The following EYS variants were observed in gnomAD, a reference collection of about 807,000 sequenced individuals.
The protein encoded by EYS is protein eyes shut homolog.
Under a neutral mutation model 282.1 loss-of-function variants are expected in EYS, and 250 were observed. The observed-to-expected ratio is 0.89, with a 90% CI of 0.80 to 0.98. The LOEUF (loss-of-function observed/expected upper bound fraction) is 0.98. EYS is among the 50% of genes least tolerant of loss of function. The pLI is 0.00. For synonymous variants in EYS, 1,355 were observed against 1,282.9 expected, an observed-to-expected ratio of 1.06 and a Z score of -1.20; for missense variants, 4,016 against 3,709.0, an observed-to-expected ratio of 1.08 and a Z score of -2.15.
intron 26 of EYS, among the ~76,000 whole-genome samples, chr6:64,528,960 C>T (rs2150530358): frequency 6.6e-6 from 1 of 152,112 alleles, no homozygotes; most frequent in Admixed American, 6.5e-5. Context: ...TACAATGTTT[C>T]TAAGAAATGG....
At chr6:64,530,712 T>C (rs1021090023) in intron 26 of EYS, among the ~76,000 whole-genome samples, 29 of 152,172 alleles carry the variant, frequency 1.9e-4, no homozygotes, top group African/African-American at 7.0e-4. Context: ...TCTTTATTGT[T>C]AAGCTTCTAA....
intron 33 of EYS, among the ~76,000 whole-genome samples, chr6:64,036,408 G>T (rs1296744385): frequency 6.6e-6 from 1 of 152,136 alleles, no homozygotes; most frequent in Non-Finnish European, 1.5e-5. Context: ...AAAATAATGA[G>T]ATTTGTAATG....
intron 35 of EYS, among the ~76,000 whole-genome samples, chr6:63,897,043 T>C (rs1773552401): frequency 6.6e-6 from 1 of 152,234 alleles, no homozygotes; most frequent in Non-Finnish European, 1.5e-5. Flanking sequence ...GATTACAATA[T>C]GCAGAAGTAT....
chr6:63,999,188 A>T lies in EYS; in HGVS notation c.6726-5T>A. 4 of 1,545,832 alleles carry T rather than the reference A, an allele frequency of 2.6e-6. No homozygotes were observed. Among genetic ancestry groups the T allele is most frequent in the Non-Finnish European group, 3.5e-6 (4 of 1,141,690 alleles). ...CTGCCAACAGGCGTTGTGTAGCTAA[A>T]CGTAAAACAGAAGAGGCCATTATGA... is the stretch of plus-strand genomic sequence containing the variant. On this transcript the variant is annotated splice_region_variant and splice_polypyrimidine_tract_variant and intron_variant, in intron 33 of 42. Coordinates refer to ENST00000503581, the MANE Select transcript of EYS (RefSeq NM_001142800.2).
intron 10 of EYS, 42 bp downstream of exon 10, chr6:65,343,996 C>T (rs934300997): frequency 1.3e-6 from 2 of 1,558,506 alleles, no homozygotes; most frequent in Non-Finnish European, 8.8e-7. Flanking sequence ...CAATTACAAG[C>T]TAAAGAGAAA....
intron 31 of EYS, among the ~76,000 whole-genome samples, chr6:64,164,704 A>G (rs1257223466): frequency 6.6e-6 from 1 of 152,164 alleles, no homozygotes; most frequent in African/African-American, 2.4e-5. Context: ...AGTCCAAGAA[A>G]CAAGGGCTTT....
intron 41 of EYS, among the ~76,000 whole-genome samples, chr6:63,732,699 A>G (rs1212916158): frequency 6.6e-6 from 1 of 152,188 alleles, no homozygotes; most frequent in Non-Finnish European, 1.5e-5. Context: ...CATCTTTTAG[A>G]TTTAGTGACC....
intron 30 of EYS, among the ~76,000 whole-genome samples, chr6:64,231,356 A>G (rs941896918): frequency 6.6e-6 from 1 of 152,156 alleles, no homozygotes; most frequent in Non-Finnish European, 1.5e-5. Context: ...ATAATGAACA[A>G]CAACAAAAGT....
At chr6:64,749,533 G>C (rs931885503) in intron 22 of EYS, among the ~76,000 whole-genome samples, 1 of 152,052 alleles carries the variant, frequency 6.6e-6, no homozygotes, top group Non-Finnish European at 1.5e-5. Context: ...ACATACTTGG[G>C]TTCTTAGTAT....
At chr6:64,894,390 G>C (rs546672985) in intron 18 of EYS, among the ~76,000 whole-genome samples, 1 of 152,266 alleles carries the variant, frequency 6.6e-6, no homozygotes, top group South Asian at 2.1e-4. Flanking sequence ...GTGGACATCA[G>C]TGGACTGATT....
intron 30 of EYS, among the ~76,000 whole-genome samples, chr6:64,283,400 C>T (rs1257116773): frequency 6.6e-6 from 1 of 152,170 alleles, no homozygotes; most frequent in Non-Finnish European, 1.5e-5. Flanking sequence ...TCTATACTAA[C>T]ATATTAGCTC....
At chr6:65,443,063 T>C (rs1362313408) in intron 5 of EYS, among the ~76,000 whole-genome samples, 2 of 151,720 alleles carry the variant, frequency 1.3e-5, no homozygotes, top group Non-Finnish European at 2.9e-5. Context: ...CATGCATATA[T>C]GTGATATGTA....
intron 31 of EYS, among the ~76,000 whole-genome samples, chr6:64,158,359 A>T (rs1554213529): frequency 6.6e-6 from 1 of 152,188 alleles, no homozygotes; most frequent in Non-Finnish European, 1.5e-5. Context: ...TTCATGTAAA[A>T]GTGATATTTT....
At chr6:64,193,317 CT>C (rs902068121) in intron 31 of EYS, among the ~76,000 whole-genome samples, 13 of 146,770 alleles carry the variant, frequency 8.9e-5, no homozygotes, top group East Asian at 2.0e-4. Context: ...ATTGTTTTTT[CT>C]TTTTTTTTTG....
intron 8 of EYS, among the ~76,000 whole-genome samples, chr6:65,369,283 A>G (rs1035105913): frequency 8.5e-6 from 1 of 117,096 alleles, no homozygotes; most frequent in Non-Finnish European, 1.9e-5. Flanking sequence ...ATATTTATAT[A>G]TATTATATAT....
intron 29 of EYS, among the ~76,000 whole-genome samples, chr6:64,348,308 C>G (rs1032991672): frequency 6.6e-6 from 1 of 151,448 alleles, no homozygotes; most frequent in Non-Finnish European, 1.5e-5. Flanking sequence ...ATGCTTTTCT[C>G]TAGCATCATA....
At chr6:65,511,833 T>C (rs1488451749) in intron 2 of EYS, among the ~76,000 whole-genome samples, 1 of 151,804 alleles carries the variant, frequency 6.6e-6, no homozygotes, top group African/African-American at 2.4e-5. Context: ...CACACTCCTA[T>C]AATCTCAGCT....
chr6:65,062,369 A>G (rs1006447575), intron 12 of EYS, among the ~76,000 whole-genome samples: 1 of 151,880 alleles, frequency 6.6e-6, no homozygotes, highest in African/African-American at 2.4e-5. Context: ...AATGTACCAA[A>G]CCTGTCTATT....
intron 12 of EYS, among the ~76,000 whole-genome samples, chr6:65,285,369 C>T (rs1768332752): frequency 6.6e-6 from 1 of 151,776 alleles, no homozygotes; most frequent in Non-Finnish European, 1.5e-5. Flanking sequence ...TACATTGTAG[C>T]AAAAATAACA....
Sources: allele counts gnomAD v4.1 joint callset (sites outside exome capture counted in the v4.1 genomes callset), GRCh38; gene constraint gnomAD v4.1.1; transcripts MANE v1.5; gene names NCBI Gene and HGNC (gene_info 2026-07-23, HGNC 2026-07-21).